MIPEP: variants seen among roughly 807,000 people sequenced by gnomAD.
MIPEP encodes the protein mitochondrial intermediate peptidase.
In MIPEP, 79 loss-of-function variants were observed where a neutral mutation model predicts 90.3. That is an observed-to-expected ratio of 0.87 (90% CI 0.73 to 1.05). MIPEP has a LOEUF of 1.05. Among genes scored for constraint, MIPEP ranks in the 50% least tolerant of loss-of-function variants. The pLI, the probability that MIPEP is intolerant of heterozygous loss-of-function variation, is 0.00. For missense variants in MIPEP, 940 were observed against 905.6 expected (o/e 1.04, Z -0.49); for synonymous variants, 334 against 315.8 (o/e 1.06, Z -0.61).
At chr13:23,876,898 T>C (rs1007157850) in intron 4 of MIPEP, among the ~76,000 whole-genome samples, 2 of 152,192 alleles carry the variant, frequency 1.3e-5, no homozygotes, top group African/African-American at 2.4e-5. Context: ...TGGTTATCCA[T>C]TGGTCTAACA....
chr13:23,757,791 G>A (rs1952503118), intron 17 of MIPEP, among the ~76,000 whole-genome samples: 1 of 152,182 alleles, frequency 6.6e-6, no homozygotes, highest in South Asian at 2.1e-4. Flanking sequence ...GTGAAGGCAG[G>A]TTTGGAATAA....
In MIPEP at chr13:23,744,339, A is replaced by G. The variant is rs545247577; in HGVS notation, c.2044+12206T>C. On this transcript the variant is annotated intron_variant, in intron 18 of 18. Transcript: ENST00000382172. ...CTTTGAGCATCACTGTATTCCCAAC[A>G]AGGCAACTCAGTTGCCAAAAATTAT... is the stretch of plus-strand genomic sequence containing the variant. 8.5e-5 allele frequency among the ~76,000 whole-genome samples: 13 copies of G among 152,348 alleles called. No individual in the cohort carries two copies. In the East Asian group the frequency reaches 2.5e-3, roughly 29 times the overall value.
chr13:23,854,795 G>A (rs915328910), intron 10 of MIPEP, among the ~76,000 whole-genome samples: 2 of 152,066 alleles, frequency 1.3e-5, no homozygotes, highest in Non-Finnish European at 2.9e-5. Context: ...GGGAGGCTGA[G>A]GCAGGAGAAT....
At chr13:23,817,118 C>T (rs1204314980) in intron 14 of MIPEP, among the ~76,000 whole-genome samples, 5 of 152,194 alleles carry the variant, frequency 3.3e-5, no homozygotes, top group East Asian at 1.9e-4. Flanking sequence ...ACTGCTCTTT[C>T]GAGCTTTCTG....
chr13:23,812,367 A>G (rs1393796928), intron 14 of MIPEP, among the ~76,000 whole-genome samples: 3 of 152,150 alleles, frequency 2.0e-5, no homozygotes, highest in East Asian at 3.9e-4. Context: ...TGCAAAGGGC[A>G]GGAAAGAACA....
chr13:23,799,000 GTTTTTTTTTT>G (rs765292524), intron 16 of MIPEP, among the ~76,000 whole-genome samples: 20 of 88,904 alleles, frequency 2.2e-4, no homozygotes, highest in South Asian at 4.2e-4. Flanking sequence ...AATTTTTTTG[GTTTTTTTTTT>G]TTTTTTTTTT....
At chr13:23,889,060 T>C (rs1871667534) in intron 1 of MIPEP, 72 bp downstream of exon 1, 5 of 1,279,698 alleles carry the variant, frequency 3.9e-6, no homozygotes, top group East Asian at 6.3e-5. Context: ...CTCGCCCTGA[T>C]TGTTGCTGGC....
At chr13:23,732,030 C>A (rs1171555523) in intron 18 of MIPEP, among the ~76,000 whole-genome samples, 2 of 134,212 alleles carry the variant, frequency 1.5e-5, no homozygotes, top group East Asian at 4.7e-4. Flanking sequence ...CAGGCCTGGA[C>A]AACACAGCAT....
rs560693197 is a variant in MIPEP at position 23,773,826 on chromosome 13, A to G, written c.1849-13609T>C. On this transcript the variant is annotated intron_variant, in intron 16 of 18. Transcript: ENST00000382172. ...TTGCTTTTCTAAAGATTAAACTCTG[A>G]TCAGATACATATTCTCCCATTCTGT... Among the ~76,000 whole-genome samples the G allele has an allele frequency of 3.3e-5, 5 of 152,332 alleles. No homozygotes were observed. The East Asian group carries it at 7.7e-4, about 23-fold the overall frequency.
chr13:23,836,254 A>G lies in MIPEP; in HGVS notation c.1639T>C (p.Tyr547His), dbSNP rs752042258. 9 of 1,600,430 alleles carry G rather than the reference A, an allele frequency of 5.6e-6. No individual in the cohort carries two copies. The highest frequency in any genetic ancestry group is 7.7e-6 in the Non-Finnish European group (9 of 1,173,434). Residue 547 changes from tyrosine to histidine, a missense_variant, in exon 14 of 19, where the codon TAT becomes CAT. Coordinates refer to ENST00000382172, the MANE Select transcript of MIPEP (RefSeq NM_005932.4). ...ACTGTTCCTACCTGTCCAGTCTGAT[A>G]ATGTCTGGCAAATTGGTTAACTACT... ...YRVVNQFARH[Y>H]QTGQPLPKNM...
intron 18 of MIPEP, among the ~76,000 whole-genome samples, chr13:23,739,615 C>A (rs189187337): frequency 2.0e-4 from 30 of 152,184 alleles, no homozygotes; most frequent in African/African-American, 7.2e-4. Flanking sequence ...CCAAAGTGGG[C>A]GATTTTAGCA....
chr13:23,843,735 T>C (rs1029973898), intron 10 of MIPEP, among the ~76,000 whole-genome samples: 1 of 152,148 alleles, frequency 6.6e-6, no homozygotes, highest in South Asian at 2.1e-4. Flanking sequence ...ACTTCCAGGC[T>C]TCAGAGGGTG....
At chr13:23,783,609 G>A (rs528145489) in intron 16 of MIPEP, among the ~76,000 whole-genome samples, 1 of 152,228 alleles carries the variant, frequency 6.6e-6, no homozygotes, top group East Asian at 1.9e-4. Flanking sequence ...AGGGCAATCA[G>A]GCAAGAGAAA....
chr13:23,730,413 A>G lies in MIPEP; in HGVS notation c.2077T>C (p.Phe693Leu). ...AAGTCGGAAACGAGGGCACTTACGA[A>G]GTCATCAACAGAAGGACACTTCTGA... is the stretch of plus-strand genomic sequence containing the variant. ...MLQKCPSVDDFVSALVSDLDL... is the reference protein window; with the variant it reads ...MLQKCPSVDDLVSALVSDLDL... Residue 693 changes from phenylalanine (F) to leucine (L), a missense_variant, in exon 19 of 19, where the codon TTC (phenylalanine) becomes CTC (leucine). Coordinates refer to ENST00000382172, the MANE Select transcript of MIPEP (RefSeq NM_005932.4). 1 of 1,612,578 alleles carries G rather than the reference A, an allele frequency of 6.2e-7. No individual in the cohort carries two copies. The highest frequency in any genetic ancestry group is 8.5e-7 in the Non-Finnish European group (1 of 1,178,936).
At chr13:23,759,410 C>A (rs2138515078) in intron 17 of MIPEP, among the ~76,000 whole-genome samples, 1 of 149,354 alleles carries the variant, frequency 6.7e-6, no homozygotes, top group Middle Eastern at 3.5e-3. Context: ...TCCCCCGCAA[C>A]CCCTCAGCCA....
intron 14 of MIPEP, among the ~76,000 whole-genome samples, chr13:23,823,009 C>A (rs1953327355): frequency 6.6e-6 from 1 of 152,050 alleles, no homozygotes; most frequent in Admixed American, 6.6e-5. Flanking sequence ...CCTGAACCCA[C>A]TTCACATCCA....
At chr13:23,836,032 T>C (rs964460991) in intron 14 of MIPEP, among the ~76,000 whole-genome samples, 21 of 152,180 alleles carry the variant, frequency 1.4e-4, no homozygotes, top group African/African-American at 5.1e-4. Flanking sequence ...AGGGTAGCTA[T>C]TTTTCAACAC....
rs74336959 is a variant in MIPEP, at chr13:23,766,569, GCT to G, written c.1849-6354_1849-6353del. Among the ~76,000 whole-genome samples the G allele has an allele frequency of 7.3e-5, 11 of 150,162 alleles. No homozygotes were observed. The South Asian group carries it at 1.3e-3, about 17-fold the overall frequency. On this transcript the variant is annotated intron_variant, in intron 16 of 18. Coordinates refer to ENST00000382172, the MANE Select transcript of MIPEP (RefSeq NM_005932.4). The stretch of plus-strand genomic sequence containing the variant: ...CCTTCTATTTGCCTCACACATCCAT[GCT>G]CTCTCTCTCTCTCTCACTCACTCTC...
chr13:23,868,016 C>T (rs1396243185), intron 7 of MIPEP, among the ~76,000 whole-genome samples: 1 of 151,716 alleles, frequency 6.6e-6, no homozygotes, highest in Non-Finnish European at 1.5e-5. Context: ...ATACTTTTCA[C>T]CAAACTGATA....
Sources: gnomAD v4.1 joint callset for allele counts (sites outside exome capture counted in the v4.1 genomes callset) on GRCh38, gnomAD v4.1.1 for gene constraint, MANE v1.5 for transcripts, NCBI Gene and HGNC (gene_info 2026-07-23, HGNC 2026-07-21) for gene names.